The following IFIH1 variants were observed in gnomAD, a reference collection of about 807,000 sequenced individuals.
IFIH1 encodes the protein interferon-induced helicase C domain-containing protein 1.
In IFIH1, 125 loss-of-function variants were observed where a neutral mutation model predicts 107.4. That is an observed-to-expected ratio of 1.16 (90% confidence interval 1.01 to 1.35). The LOEUF is 1.35. Among genes scored for constraint, IFIH1 ranks in the 40% most tolerant of loss-of-function variants. The pLI, the probability that IFIH1 is intolerant of heterozygous loss-of-function variation, is 0.00. For synonymous variants in IFIH1, 458 were observed against 413.2 expected, an observed-to-expected ratio of 1.11 and a Z score of -1.31; for missense variants, 1,333 against 1,213.7, an observed-to-expected ratio of 1.10 and a Z score of -1.46.
At chr2:162,301,281 A>C (rs911968215) in intron 3 of IFIH1, among the ~76,000 whole-genome samples, 2 of 152,194 alleles carry the variant, frequency 1.3e-5, no homozygotes, top group African/African-American at 4.8e-5. Context: ...AGTCATGCGC[A>C]CTGTATATTC....
chr2:162,291,421 A>G lies in IFIH1; in HGVS notation c.874+2143T>C, dbSNP rs986571178. ...GAAATAGTAAGGAAACACTTTCTACATATCAGGCCAATATGTATTGCCAAA... is the reference window on the plus strand; with the variant it reads ...GAAATAGTAAGGAAACACTTTCTACGTATCAGGCCAATATGTATTGCCAAA... On this transcript the variant is annotated intron_variant, in intron 4 of 15. Transcript: ENST00000649979. Among the ~76,000 whole-genome samples, 4 of 151,766 alleles carry G rather than the reference A, an allele frequency of 2.6e-5. No individual in the cohort carries two copies. The East Asian group carries it at 5.8e-4, about 22-fold the overall frequency.
At chr2:162,277,048 T>C (rs1682687830) in intron 10 of IFIH1, 102 bp from the exon 11 acceptor site, 1 of 794,440 alleles carries the variant, frequency 1.3e-6, no homozygotes, top group Admixed American at 3.3e-5. Context: ...TATACAGTTT[T>C]ATTGATTAAA....
At chr2:162,287,885 T>G (rs1265009529) in intron 5 of IFIH1, among the ~76,000 whole-genome samples, 1 of 151,846 alleles carries the variant, frequency 6.6e-6, no homozygotes, top group Non-Finnish European at 1.5e-5. Flanking sequence ...AACTCCCAGG[T>G]GTTGGGGCTA....
chr2:162,270,038 GA>G (rs948678517), intron 13 of IFIH1, among the ~76,000 whole-genome samples: 1 of 151,658 alleles, frequency 6.6e-6, no homozygotes, highest in Non-Finnish European at 1.5e-5. Context: ...GAATGAGTCA[GA>G]AAAAAAATAA....
rs980522388 is a variant in IFIH1, at chr2:162,318,524, C to A, written c.-217G>T. The A allele has an allele frequency of 3.2e-5, 10 of 314,288 alleles. No homozygotes were observed. Among genetic ancestry groups the A allele is most frequent in the Non-Finnish European group, 4.6e-5 (8 of 175,584 alleles). The allele number at this position is 314,288 out of a possible 1,614,324, so 19.5% of individuals were successfully genotyped here. Reference sequence around the variant, plus strand: ...GGTGGGCAGGCGGGCAGGTGGGCAGCGGGGCGGCGCGCGGGGCCGCGGCAG... The same window carrying A: ...GGTGGGCAGGCGGGCAGGTGGGCAGAGGGGCGGCGCGCGGGGCCGCGGCAG... On this transcript the variant is annotated 5_prime_UTR_variant, in exon 1 of 16. Transcript: ENST00000649979.
intron 5 of IFIH1, among the ~76,000 whole-genome samples, chr2:162,286,557 G>A (rs1375137973): frequency 2.0e-5 from 3 of 151,916 alleles, no homozygotes; most frequent in African/African-American, 7.2e-5. Flanking sequence ...CTAACTCCTA[G>A]GTGTGGGGGC....
rs775545790 is a variant in IFIH1, at chr2:162,276,901, T to C, written c.2090A>G (p.Glu697Gly). ...TCTTAATTTGGTCAGCTTTTCATTT[T>C]CATATTCTGGGTTTTCAGCCAGCCT... The part of the protein sequence containing the change: ...LKRLAENPEY[E>G]NEKLTKLRNT... The change falls in exon 11 of 16, where the codon GAA becomes GGA. Residue 697 changes from glutamate to glycine, a missense_variant. Coordinates refer to ENST00000649979, the MANE Select transcript of IFIH1 (RefSeq NM_022168.4). 1.9e-6 allele frequency: 3 copies of C among 1,611,692 alleles called. No individual in the cohort carries two copies. In the East Asian group the frequency reaches 6.7e-5, roughly 36 times the overall value.
At chr2:162,268,415 G>A (rs1458454709) in intron 13 of IFIH1, 138 bp from the exon 14 acceptor site, 1 of 572,358 alleles carries the variant, frequency 1.7e-6, no homozygotes, top group Non-Finnish European at 3.0e-6. Context: ...TAAAAATAAT[G>A]AGGTAATGAC....
intron 2 of IFIH1, among the ~76,000 whole-genome samples, chr2:162,309,262 CA>C (rs1157199338): frequency 2.0e-5 from 3 of 152,146 alleles, no homozygotes; most frequent in Non-Finnish European, 4.4e-5. Flanking sequence ...GGGCTCCATC[CA>C]CACAGCTTTC....
chr2:162,317,766 CAAGCACATTTGG>C, intron 1 of IFIH1, 77 bp downstream of exon 1: 1 of 1,050,822 alleles, frequency 9.5e-7, no homozygotes. Flanking sequence ...CCAAAGAGGT[CAAGCACATTTGG>C]AAAGGGGCAA....
At chr2:162,289,800 C>T (rs746278784) in intron 4 of IFIH1, among the ~76,000 whole-genome samples, 1 of 151,888 alleles carries the variant, frequency 6.6e-6, no homozygotes, top group Non-Finnish European at 1.5e-5. Flanking sequence ...TCTGCTGATT[C>T]ATTCAATATG....
chr2:162,308,357 C>T (rs1262476867), intron 2 of IFIH1, among the ~76,000 whole-genome samples: 1 of 152,022 alleles, frequency 6.6e-6, no homozygotes, highest in African/African-American at 2.4e-5. Context: ...CAGATTAAGG[C>T]CCCATTCTTA....
intron 2 of IFIH1, among the ~76,000 whole-genome samples, chr2:162,309,756 T>G (rs760967462): frequency 2.0e-5 from 3 of 152,204 alleles, no homozygotes; most frequent in Non-Finnish European, 4.4e-5. Context: ...GGTTCCTTTT[T>G]GCATAACAAC....
At chr2:162,274,284 T>G (rs1691106669) in intron 11 of IFIH1, among the ~76,000 whole-genome samples, 1 of 152,152 alleles carries the variant, frequency 6.6e-6, no homozygotes, top group African/African-American at 2.4e-5. Context: ...AATCAGAAGC[T>G]AAAATGGGCT....
At position 162,289,732 on chromosome 2, in the gene IFIH1, T is replaced by C. The variant is rs1682963657; in HGVS notation, c.875-1377A>G. Among the ~76,000 whole-genome samples the C allele has an allele frequency of 2.0e-5, 3 of 152,040 alleles. No individual in the cohort carries two copies. In the South Asian group the frequency reaches 6.2e-4, roughly 31 times the overall value. On this transcript the variant is annotated intron_variant, in intron 4 of 15. Transcript: ENST00000649979. ...TCATCTACTAACCTGGCAGGAAATT[T>C]GCCTTTTGTATGGATGAGTAAAAAC...
rs374584539 is a variant in IFIH1, at chr2:162,309,179, G to A, written c.622+1586C>T. Reference sequence around the variant, plus strand: ...TAAGGCTTGAGAATAGCTCTGTTTGGTTTGATGCTCTGCCTTCCAGGTCCA... The same window carrying A: ...TAAGGCTTGAGAATAGCTCTGTTTGATTTGATGCTCTGCCTTCCAGGTCCA... On this transcript the variant is annotated intron_variant, in intron 2 of 15. Transcript: ENST00000649979. 4.7e-4 allele frequency among the ~76,000 whole-genome samples: 71 copies of A among 152,254 alleles called. 1 individual carries two copies. In the South Asian group the frequency reaches 0.014, roughly 30 times the overall value.
chr2:162,267,284 T>G lies in IFIH1; in HGVS notation c.2994A>C (p.Lys998Asn). The change falls in exon 16 of 16, where the codon AAA (lysine) becomes AAC (asparagine). Residue 998 changes from lysine (K) to asparagine (N), a missense_variant. By Grantham distance (94) the Lys-to-Asn change is moderately conservative. Coordinates refer to ENST00000649979, the MANE Select transcript of IFIH1 (RefSeq NM_022168.4). ...VVVFKNNSTK[K>N]QYKKWVELPI... ...GTAATTCTACCCACTTTTTGTATTG[T>G]TTCTTTGTTGAATTATTTTTGAAAA... is the stretch of plus-strand genomic sequence containing the variant. The G allele has an allele frequency of 6.2e-7, 1 of 1,612,234 alleles. No homozygotes were observed. Among genetic ancestry groups the G allele is most frequent in the East Asian group, 2.2e-5 (1 of 44,872 alleles).
intron 4 of IFIH1, among the ~76,000 whole-genome samples, chr2:162,289,913 GTATTA>G (rs1682967055): frequency 6.6e-6 from 1 of 151,780 alleles, no homozygotes; most frequent in African/African-American, 2.4e-5. Context: ...AGTTCATCTT[GTATTA>G]TATTTATGTA....
chr2:162,289,027 G>A (rs2105210063), intron 4 of IFIH1, among the ~76,000 whole-genome samples: 1 of 151,678 alleles, frequency 6.6e-6, no homozygotes, highest in South Asian at 2.1e-4. Context: ...GTTATTTAGA[G>A]AGTAGAGGAA....
Sources: allele counts gnomAD v4.1 joint callset (sites outside exome capture counted in the v4.1 genomes callset), GRCh38; gene constraint gnomAD v4.1.1; transcripts MANE v1.5; gene names NCBI Gene and HGNC (gene_info 2026-07-23, HGNC 2026-07-21).